PTPRA: variants seen among roughly 807,000 people sequenced by gnomAD.
PTPRA encodes the protein receptor-type tyrosine-protein phosphatase alpha.
In PTPRA, 25 loss-of-function variants were observed where a neutral mutation model predicts 104.8. The observed-to-expected ratio is 0.24, with a 90% CI of 0.17 to 0.33. The LOEUF is 0.33. Ranked by LOEUF, PTPRA falls within the 10% of genes least tolerant of loss-of-function variation. PTPRA has a pLI of 1.00. For synonymous variants in PTPRA, 323 were observed against 368.9 expected (o/e 0.88, Z 1.43); for missense variants, 765 against 1,015.3 (o/e 0.75, Z 3.35).
chr20:2,945,648 G>T (rs1195530522), intron 2 of PTPRA, among the ~76,000 whole-genome samples: 1 of 151,460 alleles, frequency 6.6e-6, no homozygotes, highest in Non-Finnish European at 1.5e-5. Flanking sequence ...TTTATTATAG[G>T]CCGGGTACAG....
chr20:2,875,542 A>G lies in PTPRA; in HGVS notation c.-129+1782A>G, dbSNP rs115356932. Among the ~76,000 whole-genome samples, 783 of 152,288 alleles carry G rather than the reference A, an allele frequency of 5.1e-3. 7 individuals carry two copies. The highest frequency in any genetic ancestry group is 8.4e-3 in the Non-Finnish European group (572 of 68,016). On this transcript the variant is annotated intron_variant, in intron 1 of 23. Coordinates refer to ENST00000399903, the MANE Select transcript of PTPRA (RefSeq NM_001385305.1). ...ATTGCTTGGGATACAAAAGTGAGGA[A>G]GTCAGTCCTTAACCTTTGAGGAACT...
chr20:3,014,314 T>A (rs998112407), intron 11 of PTPRA, among the ~76,000 whole-genome samples: 14 of 152,216 alleles, frequency 9.2e-5, no homozygotes, highest in African/African-American at 3.1e-4. Context: ...GCAGCAACCC[T>A]GCCCTGCCCT....
chr20:2,947,361 G>A (rs1028359293), intron 2 of PTPRA, among the ~76,000 whole-genome samples: 2 of 152,104 alleles, frequency 1.3e-5, no homozygotes, highest in East Asian at 1.9e-4. Flanking sequence ...TGATATTTGA[G>A]AAGGAAAAAC....
intron 13 of PTPRA, among the ~76,000 whole-genome samples, chr20:3,020,050 G>A (rs558217578): frequency 1.8e-4 from 28 of 152,140 alleles, no homozygotes; most frequent in South Asian, 8.3e-4. Flanking sequence ...GCTCGGCATC[G>A]GAGGGAGACC....
intron 6 of PTPRA, among the ~76,000 whole-genome samples, chr20:2,980,486 G>A (rs555009285): frequency 3.3e-5 from 5 of 152,048 alleles, no homozygotes; most frequent in East Asian, 2.0e-4. Flanking sequence ...CCAGGAGGCC[G>A]TTGCAGTGAA....
intron 12 of PTPRA, among the ~76,000 whole-genome samples, chr20:3,017,584 A>G (rs1363469586): frequency 6.6e-6 from 1 of 152,208 alleles, no homozygotes. Context: ...TGTTCTGTTT[A>G]TATTTTTGAC....
intron 6 of PTPRA, among the ~76,000 whole-genome samples, chr20:2,976,139 T>TA (rs1174531800): frequency 2.6e-5 from 4 of 152,216 alleles, no homozygotes; most frequent in Non-Finnish European, 5.9e-5. Flanking sequence ...AGTGAGGTGT[T>TA]ACCATACTGT....
chr20:2,902,787 G>T (rs931904755), intron 1 of PTPRA, among the ~76,000 whole-genome samples: 3 of 152,034 alleles, frequency 2.0e-5, no homozygotes, highest in East Asian at 3.9e-4. Flanking sequence ...GTTTTTAAGC[G>T]TTCAAAATGT....
At chr20:2,910,416 T>TATATTAC (rs1451390714) in intron 1 of PTPRA, among the ~76,000 whole-genome samples, 3 of 101,278 alleles carry the variant, frequency 3.0e-5, no homozygotes. Flanking sequence ...TTGTATATTA[T>TATATTAC]ATAATATATA....
At chr20:2,919,529 C>T (rs1294248688) in intron 1 of PTPRA, among the ~76,000 whole-genome samples, 3 of 152,082 alleles carry the variant, frequency 2.0e-5, no homozygotes, top group Non-Finnish European at 4.4e-5. Flanking sequence ...AGACACAGTC[C>T]TTACCCTCAA....
chr20:2,947,739 A>C (rs1362505897), intron 2 of PTPRA, among the ~76,000 whole-genome samples: 1 of 152,204 alleles, frequency 6.6e-6, no homozygotes, highest in Non-Finnish European at 1.5e-5. Flanking sequence ...TGGAAAGATA[A>C]GAGATTTCAG....
intron 17 of PTPRA, among the ~76,000 whole-genome samples, chr20:3,026,275 CT>C (rs141940185): frequency 0.018 from 2,703 of 152,280 alleles, 40 homozygotes; most frequent in Non-Finnish European, 0.025. Context: ...GCCAACGCTG[CT>C]GGTGTATGGG....
intron 13 of PTPRA, among the ~76,000 whole-genome samples, chr20:3,019,526 C>T (rs2064728780): frequency 6.6e-6 from 1 of 151,476 alleles, no homozygotes; most frequent in African/African-American, 2.4e-5. Flanking sequence ...GGCGGCCGGG[C>T]AGAGACGCTC....
intron 6 of PTPRA, among the ~76,000 whole-genome samples, chr20:2,979,608 C>A (rs1162199762): frequency 6.6e-6 from 1 of 152,190 alleles, no homozygotes; most frequent in Non-Finnish European, 1.5e-5. Flanking sequence ...CTCACTGCAG[C>A]CTTGACCTCT....
At position 3,015,846 on chromosome 20, in the gene PTPRA, C is replaced by T. The variant is rs745894440; in HGVS notation, c.907-3C>T. The T allele has an allele frequency of 6.4e-7, 1 of 1,554,328 alleles. No individual in the cohort carries two copies. Among genetic ancestry groups the T allele is most frequent in the South Asian group, 1.1e-5 (1 of 89,310 alleles). ...TCTTTTTCTTTCCTTCCCCACACCC[C>T]AGGGCTACCAAGAAAAGAACAAATT... On this transcript the variant is annotated splice_polypyrimidine_tract_variant and splice_region_variant and intron_variant, in intron 11 of 23. Coordinates refer to ENST00000399903, the MANE Select transcript of PTPRA (RefSeq NM_001385305.1).
intron 1 of PTPRA, among the ~76,000 whole-genome samples, chr20:2,898,815 G>A (rs1487601806): frequency 1.3e-5 from 2 of 151,828 alleles, no homozygotes; most frequent in Non-Finnish European, 2.9e-5. Context: ...CTGAGATTGC[G>A]CCACTGCACT....
chr20:2,991,383 A>T lies in PTPRA; in HGVS notation c.738+2909A>T, dbSNP rs868867685. The stretch of plus-strand genomic sequence containing the variant: ...TCCATCTCAAAAAAAAAAAAAAAAA[A>T]TTTACCACATCTCACAAGACAGCAC... On this transcript the variant is annotated intron_variant, in intron 9 of 23. Coordinates refer to ENST00000399903, the MANE Select transcript of PTPRA (RefSeq NM_001385305.1). Among the ~76,000 whole-genome samples the T allele has an allele frequency of 1.2e-3, 186 of 151,776 alleles. 1 individual carries two copies. Among genetic ancestry groups the T allele is most frequent in the African/African-American group, 4.1e-3 (169 of 41,420 alleles).
At chr20:2,913,133 T>C (rs1242990423) in intron 1 of PTPRA, among the ~76,000 whole-genome samples, 1 of 152,086 alleles carries the variant, frequency 6.6e-6, no homozygotes. Flanking sequence ...CCCAGCACTT[T>C]AGGATGACGA....
intron 1 of PTPRA, among the ~76,000 whole-genome samples, chr20:2,920,348 C>G (rs1346467635): frequency 6.6e-6 from 1 of 152,120 alleles, no homozygotes; most frequent in East Asian, 1.9e-4. Context: ...ATTTTTAGCC[C>G]TGTCTGCACA....
Sources: allele counts gnomAD v4.1 joint callset (sites outside exome capture counted in the v4.1 genomes callset), GRCh38; gene constraint gnomAD v4.1.1; transcripts MANE v1.5; gene names NCBI Gene and HGNC (gene_info 2026-07-23, HGNC 2026-07-21).